OR8K3: variants seen among roughly 807,000 people sequenced by gnomAD.
The protein encoded by OR8K3 is olfactory receptor family 8 subfamily K member 3 (gene/pseudogene), also known as olfactory receptor 8K3.
For missense variants in OR8K3, 448 were observed against 367.4 expected, an observed-to-expected ratio of 1.22 and a Z score of -1.79; for synonymous variants, 167 against 138.8, an observed-to-expected ratio of 1.20 and a Z score of -1.43.
chr11:56,317,807 TTC>T lies in OR8K3; in HGVS notation c.-23-466_-23-465del, dbSNP rs879632164. Among the ~76,000 whole-genome samples, 325 of 152,044 alleles carry T rather than the reference TTC, an allele frequency of 2.1e-3. 1 individual carries two copies. Among genetic ancestry groups the T allele is most frequent in the African/African-American group, 7.6e-3 (315 of 41,454 alleles). ...TACAGACATGAATATCTGTATCTCTTTCTCTCTCTCTCATATGATTCTATCTG... is the reference window on the plus strand; with the variant it reads ...TACAGACATGAATATCTGTATCTCTTTCTCTCTCTCATATGATTCTATCTG... On this transcript the variant is annotated intron_variant, in intron 2 of 2. Coordinates refer to ENST00000641662, the MANE Select transcript of OR8K3 (RefSeq NM_001005202.2).
intron 2 of OR8K3, 22 bp downstream of exon 2, chr11:56,316,079 T>A (rs1854440145): frequency 6.6e-6 from 1 of 152,000 alleles, no homozygotes; most frequent in Non-Finnish European, 1.5e-5. Flanking sequence ...TGATATTATT[T>A]GCCTTTCTAA....
In OR8K3 at chr11:56,318,303, C is replaced by T. The variant is rs764582514; in HGVS notation, c.-4C>T. The T allele has an allele frequency of 6.2e-7, 1 of 1,604,802 alleles. No homozygotes were observed. Among genetic ancestry groups the T allele is most frequent in the South Asian group, 1.1e-5 (1 of 90,648 alleles). On this transcript the variant is annotated 5_prime_UTR_variant, in exon 3 of 3. Transcript: ENST00000641662. ...TATCAGAATAGGTTTTCTGATGAAC[C>T]TGGATGGAACAACACAATCTAACAA...
rs1489468656 is a variant in OR8K3, at chr11:56,318,270, G to A, written c.-23-14G>A. ...ATAGAGGAAAGCTATTGACAATGCCGATGTCTCTATCAGAATAGGTTTTCT... is the reference window on the plus strand; with the variant it reads ...ATAGAGGAAAGCTATTGACAATGCCAATGTCTCTATCAGAATAGGTTTTCT... On this transcript the variant is annotated splice_polypyrimidine_tract_variant and intron_variant, in intron 2 of 2. Coordinates refer to ENST00000641662, the MANE Select transcript of OR8K3 (RefSeq NM_001005202.2). 7 of 1,444,750 alleles carry A rather than the reference G, an allele frequency of 4.8e-6. No individual in the cohort carries two copies. Among genetic ancestry groups the A allele is most frequent in the African/African-American group, 1.4e-5 (1 of 71,446 alleles). The allele number at this position is 1,444,750 out of a possible 1,614,324, so 89.5% of individuals were successfully genotyped here. A position where few individuals can be genotyped will look rare whatever the true frequency, so the allele number is the denominator to read the frequency against.
intron 2 of OR8K3, among the ~76,000 whole-genome samples, chr11:56,316,429 C>T (rs11227868): frequency 0.16 from 16,037 of 102,008 alleles, 1,015 homozygotes; most frequent in East Asian, 0.28. Flanking sequence ...TTGGGGCTTA[C>T]GATTTTTTTT....
Position 56,318,425 on chromosome 11 carries a change from TG to T in OR8K3, c.122del (p.Gly41AlafsTer5), listed in dbSNP as rs1377365562. 2 of 1,614,030 alleles carry T rather than the reference TG, an allele frequency of 1.2e-6. No individual in the cohort carries two copies. The highest frequency in any genetic ancestry group is 1.7e-6 in the Non-Finnish European group (2 of 1,179,920). Reference protein sequence around the residue: ...LFLMIYVISVMGNLGMIVLTK... With the variant: ...LFLMIYVISVXGNLGMIVLTK... ...CTCATGATCTATGTGATCTCAGTGA[TG>T]GGCAATTTGGGCATGATTGTCCTCA... On this transcript the variant is annotated frameshift_variant, in exon 3 of 3. Transcript: ENST00000641662. LOFTEE classifies it low-confidence loss of function (END_TRUNC).
chr11:56,318,487 T>A lies in OR8K3; in HGVS notation c.181T>A (p.Phe61Ile). The A allele has an allele frequency of 6.2e-7, 1 of 1,614,058 alleles. No homozygotes were observed. Among genetic ancestry groups the A allele is most frequent in the Non-Finnish European group, 8.5e-7 (1 of 1,179,966 alleles). The change falls in exon 3 of 3, where the codon TTT (phenylalanine) becomes ATT (isoleucine). Residue 61 changes from phenylalanine to isoleucine, a missense_variant. Coordinates refer to ENST00000641662, the MANE Select transcript of OR8K3 (RefSeq NM_001005202.2). ...LDSRLQTPMYFFLRHLAFMDL... is the reference protein window; with the variant it reads ...LDSRLQTPMYIFLRHLAFMDL... ...CTCCAGGTTGCAAACCCCTATGTAC[T>A]TTTTTCTCAGACATCTGGCTTTCAT...
At position 56,320,165 on chromosome 11, in the gene OR8K3, A is replaced by G. The variant is rs1343614126; in HGVS notation, c.*920A>G. 2 of 152,230 alleles carry G rather than the reference A, an allele frequency of 1.3e-5. No homozygotes were observed. Among genetic ancestry groups the G allele is most frequent in the African/African-American group, 2.4e-5 (1 of 41,466 alleles). The allele number at this position is 152,230 out of a possible 1,614,324, so 9.4% of individuals were successfully genotyped here. ...TGATGAATTAACTTTGTAGTCTCTC[A>G]CTGAGTTGACAATCCATAATTTTTA... On this transcript the variant is annotated 3_prime_UTR_variant, in exon 3 of 3. Coordinates refer to ENST00000641662, the MANE Select transcript of OR8K3 (RefSeq NM_001005202.2).
chr11:56,317,819 C>T (rs1052518020), intron 2 of OR8K3, among the ~76,000 whole-genome samples: 133 of 152,132 alleles, frequency 8.7e-4, no homozygotes, highest in African/African-American at 2.9e-3. Context: ...CTCTCTCTCT[C>T]ATATGATTCT....
In OR8K3 at chr11:56,318,539, G is replaced by A. The variant is rs539471739; in HGVS notation, c.233G>A (p.Gly78Glu). 15 of 1,613,346 alleles carry A rather than the reference G, an allele frequency of 9.3e-6. No individual in the cohort carries two copies. In the Admixed American group the frequency reaches 1.0e-4, roughly 11 times the overall value. ...FMDLGYSTTV[G>E]PKMLVNFVVD... ...GATCTTGGTTATTCAACAACTGTGG[G>A]ACCCAAAATGTTAGTAAATTTTGTT... is the stretch of plus-strand genomic sequence containing the variant. The change falls in exon 3 of 3, where the codon GGA becomes GAA. Residue 78 changes from glycine to glutamate, a missense_variant. Coordinates refer to ENST00000641662, the MANE Select transcript of OR8K3 (RefSeq NM_001005202.2).
At position 56,320,258 on chromosome 11, in the gene OR8K3, T is replaced by G. The variant is rs752765550; in HGVS notation, c.*1013T>G. The G allele has an allele frequency of 6.6e-6, 1 of 152,218 alleles. No individual in the cohort carries two copies. The highest frequency in any genetic ancestry group is 2.4e-5 in the African/African-American group (1 of 41,464). The allele number at this position is 152,218 out of a possible 1,614,324, so 9.4% of individuals were successfully genotyped here. Reference sequence around the variant, plus strand: ...CACTGTTTGATTGCATCAGTTGATTTTTCTACTTGTACAAAGCAAATAAAA... The same window carrying G: ...CACTGTTTGATTGCATCAGTTGATTGTTCTACTTGTACAAAGCAAATAAAA... On this transcript the variant is annotated 3_prime_UTR_variant, in exon 3 of 3. Coordinates refer to ENST00000641662, the MANE Select transcript of OR8K3 (RefSeq NM_001005202.2).
At chr11:56,317,323 C>A (rs577047085) in intron 2 of OR8K3, among the ~76,000 whole-genome samples, 1 of 152,222 alleles carries the variant, frequency 6.6e-6, no homozygotes, top group Admixed American at 6.5e-5. Flanking sequence ...TCTGCAATGA[C>A]ATGTTGGTTC....
intron 1 of OR8K3, among the ~76,000 whole-genome samples, chr11:56,315,782 G>GAA (rs142694640): frequency 1.1e-3 from 164 of 147,260 alleles, no homozygotes; most frequent in Middle Eastern, 7.0e-3. Context: ...CATAGGCACA[G>GAA]AAAAAAAAAA....
At chr11:56,317,773 A>G (rs1195227990) in intron 2 of OR8K3, among the ~76,000 whole-genome samples, 2 of 152,006 alleles carry the variant, frequency 1.3e-5, no homozygotes, top group Non-Finnish European at 2.9e-5. Flanking sequence ...ATTTTTCTTT[A>G]TATATCTATA....
chr11:56,319,080 C>T lies in OR8K3; in HGVS notation c.774C>T (p.Tyr258=), dbSNP rs149254937. The change falls in exon 3 of 3, where the codon TAC becomes TAT. Residue 258 remains tyrosine, a synonymous_variant. Coordinates refer to ENST00000641662, the MANE Select transcript of OR8K3 (RefSeq NM_001005202.2). ...TCTATGGGACTTTGCTTTTCATGTA[C>T]GTGCAGCCCAAGTCCAGTCATTCCT... ...IVFYGTLLFM[Y]VQPKSSHSFD... is the part of the protein sequence containing the mutation. 23 of 1,614,068 alleles carry T rather than the reference C, an allele frequency of 1.4e-5. No individual in the cohort carries two copies. In the African/African-American group the frequency reaches 2.4e-4, roughly 17 times the overall value.
chr11:56,318,686 G>A lies in OR8K3; in HGVS notation c.380G>A (p.Cys127Tyr). Reference protein sequence around the residue: ...AMSYDLYVAICNPLLYTVIMS... With the variant: ...AMSYDLYVAIYNPLLYTVIMS... The stretch of plus-strand genomic sequence containing the variant: ...TCCTACGACCTCTATGTGGCCATCT[G>A]TAACCCTCTGCTATACACAGTAATC... The change falls in exon 3 of 3, where the codon TGT (cysteine) becomes TAT (tyrosine). Residue 127 changes from cysteine to tyrosine, a missense_variant. Physicochemically the swap from Cys to Tyr is radical, Grantham distance 194. Coordinates refer to ENST00000641662, the MANE Select transcript of OR8K3 (RefSeq NM_001005202.2). 1 of 1,613,886 alleles carries A rather than the reference G, an allele frequency of 6.2e-7. No homozygotes were observed. The highest frequency in any genetic ancestry group is 8.5e-7 in the Non-Finnish European group (1 of 1,179,876).
rs1165347734 is a variant in OR8K3 at position 56,320,185 on chromosome 11, T to C, written c.*940T>C. ...CTCTCACTGAGTTGACAATCCATAA[T>C]TTTTATCAATATGCACTATATCGAA... On this transcript the variant is annotated 3_prime_UTR_variant, in exon 3 of 3. Transcript: ENST00000641662. 1 of 152,230 alleles carries C rather than the reference T, an allele frequency of 6.6e-6. No homozygotes were observed. Among genetic ancestry groups the C allele is most frequent in the East Asian group, 1.9e-4 (1 of 5,202 alleles). 9.4% of individuals were successfully genotyped at this position (152,230 alleles called of 1,614,324 possible). A position where few individuals can be genotyped will look rare whatever the true frequency, so the allele number is the denominator to read the frequency against.
chr11:56,317,557 C>T (rs17541516), intron 2 of OR8K3, among the ~76,000 whole-genome samples: 10,780 of 151,978 alleles, frequency 0.071, 425 homozygotes, highest in Middle Eastern at 0.11. Context: ...CTGTACCACC[C>T]GAAGAGATAA....
intron 1 of OR8K3, among the ~76,000 whole-genome samples, chr11:56,315,506 A>G (rs945006767): frequency 6.6e-6 from 1 of 152,130 alleles, no homozygotes; most frequent in Admixed American, 6.6e-5. Context: ...AATAAAGCAC[A>G]ATGACAAGGA....
intron 2 of OR8K3, among the ~76,000 whole-genome samples, chr11:56,316,719 T>C (rs1169923143): frequency 6.6e-6 from 1 of 152,022 alleles, no homozygotes; most frequent in Non-Finnish European, 1.5e-5. Context: ...TTCTTTAATC[T>C]ACAGTATCCT....
Sources: allele counts gnomAD v4.1 joint callset (sites outside exome capture counted in the v4.1 genomes callset), GRCh38; gene constraint gnomAD v4.1.1; transcripts MANE v1.5; gene names NCBI Gene and HGNC (gene_info 2026-07-23, HGNC 2026-07-21).